The following HEXB variants were observed in gnomAD, a reference collection of about 807,000 sequenced individuals.
The protein encoded by HEXB is beta-hexosaminidase subunit beta.
A neutral mutation model predicts 71.2 loss-of-function variants in HEXB; 51 were observed. The observed-to-expected ratio is 0.72, with a 90% confidence interval of 0.57 to 0.90. The LOEUF is 0.90. HEXB is among the 40% of genes least tolerant of loss of function. The pLI, the probability that HEXB is intolerant of heterozygous loss-of-function variation, is 0.00. For synonymous variants in HEXB, 266 were observed against 249.3 expected, an observed-to-expected ratio of 1.07 and a Z score of -0.63; for missense variants, 617 against 677.0, an observed-to-expected ratio of 0.91 and a Z score of 0.98.
chr5:74,711,176 C>T (rs1331899481), intron 6 of HEXB, among the ~76,000 whole-genome samples: 1 of 150,800 alleles, frequency 6.6e-6, no homozygotes, highest in East Asian at 1.9e-4. Flanking sequence ...GAAAAACAAG[C>T]AATGGGGAAA....
intron 5 of HEXB, among the ~76,000 whole-genome samples, chr5:74,703,221 G>A (rs774345149): frequency 2.6e-5 from 4 of 152,216 alleles, no homozygotes; most frequent in Non-Finnish European, 4.4e-5. Flanking sequence ...CCAAAGTGCT[G>A]GGATTACAGG....
chr5:74,655,483 TG>T (rs1327251100), intron 1 of HEXB, among the ~76,000 whole-genome samples: 1 of 137,334 alleles, frequency 7.3e-6, no homozygotes, highest in Non-Finnish European at 1.6e-5. Flanking sequence ...CAGCTAAGTT[TG>T]TTTTTTTGTT....
chr5:74,681,681 T>G (rs1421765724), upstream of HEXB, among the ~76,000 whole-genome samples: 1 of 152,190 alleles, frequency 6.6e-6, no homozygotes. Context: ...TTTCACAAGA[T>G]CTCAGGGCTT....
intron 1 of HEXB, among the ~76,000 whole-genome samples, chr5:74,663,039 A>G (rs1487628607): frequency 1.3e-5 from 2 of 152,236 alleles, no homozygotes; most frequent in East Asian, 1.9e-4. Context: ...CAAAATAAGT[A>G]CTTTTTAAAG....
chr5:74,710,735 A>G (rs1304952801), intron 6 of HEXB, among the ~76,000 whole-genome samples: 2 of 151,400 alleles, frequency 1.3e-5, no homozygotes, highest in Non-Finnish European at 3.0e-5. Flanking sequence ...AAGGGATGTG[A>G]AGGACCTCTT....
intron 1 of HEXB, among the ~76,000 whole-genome samples, chr5:74,668,666 G>C (rs964749396): frequency 6.6e-6 from 1 of 152,190 alleles, no homozygotes; most frequent in Non-Finnish European, 1.5e-5. Flanking sequence ...TTAGCCCCCA[G>C]GGACCTCCTG....
At position 74,715,676 on chromosome 5, in the gene HEXB, G is replaced by A. The variant is rs1272431618; in HGVS notation, c.1068G>A (p.Val356=). Residue 356 remains valine, a synonymous_variant, in exon 8 of 14, where the codon GTG becomes GTA. Coordinates refer to ENST00000261416, the MANE Select transcript of HEXB (RefSeq NM_000521.4). ...DQFIHLGGDE[V]EFKCWESNPK... is the part of the protein sequence containing the mutation. ...TCATTCATTTGGGAGGAGATGAAGT[G>A]GAATTTAAATGTTGGTAAGATGATT... 2 of 1,602,676 alleles carry A rather than the reference G, an allele frequency of 1.2e-6. No individual in the cohort carries two copies. The highest frequency in any genetic ancestry group is 1.7e-6 in the Non-Finnish European group (2 of 1,170,512).
intron 1 of HEXB, among the ~76,000 whole-genome samples, chr5:74,672,464 GC>G (rs1259270087): frequency 2.0e-5 from 3 of 152,164 alleles, no homozygotes; most frequent in Non-Finnish European, 4.4e-5. Flanking sequence ...CTCACTCCAT[GC>G]CCCAGAGTCA....
At chr5:74,683,329 A>G (rs1748774031), upstream of HEXB, among the ~76,000 whole-genome samples, 1 of 151,322 alleles carries the variant, frequency 6.6e-6, no homozygotes, top group Admixed American at 6.6e-5. Context: ...TCTGAGACAG[A>G]GTCTTACTCT....
intron 1 of HEXB, among the ~76,000 whole-genome samples, chr5:74,653,905 G>A (rs1359320972): frequency 6.6e-6 from 1 of 152,156 alleles, no homozygotes; most frequent in Non-Finnish European, 1.5e-5. Context: ...TAGTAGGGGT[G>A]TGGTCTAGTT....
Position 74,660,390 on chromosome 5 carries a change from G to A in HEXB, c.-377+19832G>A, listed in dbSNP as rs1180524922. 5.3e-5 allele frequency among the ~76,000 whole-genome samples: 8 copies of A among 152,316 alleles called. No individual in the cohort carries two copies. In the East Asian group the frequency reaches 1.4e-3, roughly 26 times the overall value. ...AAGGAAGCCTGCTAGGAGGTATCTG[G>A]GAAAATTTTTGCTTTTCTGTTAAAA... On this transcript the variant is annotated intron_variant, in intron 1 of 13. Coordinates refer to the HEXB transcript ENST00000511181.
chr5:74,697,010 A>G lies in HEXB; in HGVS notation c.573A>G (p.Glu191=). ...TTTTGTCATAGTTCACCATCAATGAATCCACCATTATTGATTCTCCAAGGT... is the reference window on the plus strand; with the variant it reads ...TTTTGTCATAGTTCACCATCAATGAGTCCACCATTATTGATTCTCCAAGGT... ...QDSYGTFTIN[E]STIIDSPRFS... Residue 191 remains glutamate (E), a synonymous_variant, in exon 5 of 14, where the codon GAA becomes GAG. Coordinates refer to ENST00000261416, the MANE Select transcript of HEXB (RefSeq NM_000521.4). 1.3e-6 allele frequency: 2 copies of G among 1,552,144 alleles called. No individual in the cohort carries two copies. The highest frequency in any genetic ancestry group is 1.8e-6 in the Non-Finnish European group (2 of 1,124,962).
intron 2 of HEXB, chr5:74,689,762 A>C (rs1748955877): frequency 2.4e-6 from 1 of 410,950 alleles, no homozygotes; most frequent in African/African-American, 2.0e-5. Flanking sequence ...AAAACATGTA[A>C]ACATTTTACA....
chr5:74,695,701 CA>C (rs1490911435), intron 3 of HEXB, among the ~76,000 whole-genome samples: 7 of 151,070 alleles, frequency 4.6e-5, no homozygotes, highest in Admixed American at 4.6e-4. Flanking sequence ...ATTAGCCGGG[CA>C]TGGTGGTGCA....
intron 5 of HEXB, among the ~76,000 whole-genome samples, chr5:74,698,671 T>G (rs761458337): frequency 9.2e-5 from 14 of 152,054 alleles, no homozygotes; most frequent in Non-Finnish European, 2.1e-4. Flanking sequence ...ATTACAGGTG[T>G]GAGCCACCAC....
intron 2 of HEXB, among the ~76,000 whole-genome samples, chr5:74,692,570 G>A (rs897120915): frequency 3.9e-5 from 6 of 152,144 alleles, no homozygotes; most frequent in African/African-American, 1.4e-4. Flanking sequence ...GCCTGGCATT[G>A]GCTAACTCAT....
intron 1 of HEXB, among the ~76,000 whole-genome samples, chr5:74,670,860 C>T (rs1253490574): frequency 6.6e-6 from 1 of 151,986 alleles, no homozygotes; most frequent in African/African-American, 2.4e-5. Flanking sequence ...TTGGCTGGAC[C>T]CCGCACTTGC....
chr5:74,703,886 G>C (rs538318954), intron 5 of HEXB, among the ~76,000 whole-genome samples: 2 of 152,278 alleles, frequency 1.3e-5, no homozygotes, highest in Admixed American at 6.5e-5. Context: ...ACTATGTCAT[G>C]CAGGCTGGTC....
At chr5:74,688,988 C>G (rs531382225) in intron 1 of HEXB, among the ~76,000 whole-genome samples, 250 of 152,274 alleles carry the variant, frequency 1.6e-3, no homozygotes, top group Non-Finnish European at 3.1e-3. Flanking sequence ...TATCACTGGT[C>G]AGAATTGGTT....
Sources: gnomAD v4.1 joint callset for allele counts (sites outside exome capture counted in the v4.1 genomes callset) on GRCh38, gnomAD v4.1.1 for gene constraint, MANE v1.5 for transcripts, NCBI Gene and HGNC (gene_info 2026-07-23, HGNC 2026-07-21) for gene names.